The following MLLT3 variants were observed in gnomAD, a reference collection of about 807,000 sequenced individuals.
MLLT3 encodes the protein protein AF-9.
MLLT3 carries 4 observed loss-of-function variants against 53.2 expected under a neutral mutation model. That is an observed-to-expected ratio of 0.08 (90% confidence interval 0.04 to 0.17). The LOEUF is 0.17. MLLT3 is among the 10% of genes least tolerant of loss of function. MLLT3 has a pLI of 1.00. For synonymous variants in MLLT3, 283 were observed against 230.6 expected (o/e 1.23, Z -2.06); for missense variants, 569 against 684.0 (o/e 0.83, Z 1.87).
chr9:20,566,110 T>C (rs991453418), intron 2 of MLLT3, among the ~76,000 whole-genome samples: 5 of 146,324 alleles, frequency 3.4e-5, no homozygotes, highest in Non-Finnish European at 7.5e-5. Context: ...TGTACTTTCA[T>C]CACATGGAAT....
intron 2 of MLLT3, among the ~76,000 whole-genome samples, chr9:20,509,191 C>T (rs188013183): frequency 2.6e-4 from 39 of 152,320 alleles, no homozygotes; most frequent in Admixed American, 4.6e-4. Context: ...ATTCAGAGTC[C>T]AGACTGGGTA....
chr9:20,374,931 T>A (rs1466447113), intron 5 of MLLT3, among the ~76,000 whole-genome samples: 1 of 152,228 alleles, frequency 6.6e-6, no homozygotes, highest in Admixed American at 6.5e-5. Flanking sequence ...AATGAGGTCA[T>A]GAACGTAGGG....
intron 2 of MLLT3, among the ~76,000 whole-genome samples, chr9:20,546,655 C>T (rs1259766924): frequency 2.6e-5 from 4 of 152,150 alleles, no homozygotes; most frequent in African/African-American, 9.7e-5. Context: ...GGCAGATGCA[C>T]CTGAATGTGC....
At chr9:20,348,404 G>T (rs993138275) in intron 10 of MLLT3, among the ~76,000 whole-genome samples, 2 of 152,154 alleles carry the variant, frequency 1.3e-5, no homozygotes, top group Non-Finnish European at 2.9e-5. Context: ...TGCATCTTTT[G>T]CCTTCTTTCC....
At chr9:20,416,450 G>A (rs879396364) in intron 4 of MLLT3, among the ~76,000 whole-genome samples, 1 of 151,980 alleles carries the variant, frequency 6.6e-6, no homozygotes, top group Admixed American at 6.6e-5. Context: ...TAAAACTTCT[G>A]TATAGATCCT....
At chr9:20,483,605 G>C (rs1011823386) in intron 2 of MLLT3, among the ~76,000 whole-genome samples, 1 of 149,134 alleles carries the variant, frequency 6.7e-6, no homozygotes, top group Non-Finnish European at 1.5e-5. Flanking sequence ...CCAGCAAACT[G>C]TTAATACCAT....
At chr9:20,580,520 C>G (rs1249913576) in intron 2 of MLLT3, among the ~76,000 whole-genome samples, 1 of 152,108 alleles carries the variant, frequency 6.6e-6, no homozygotes, top group Non-Finnish European at 1.5e-5. Flanking sequence ...CTCTCTTGGA[C>G]AGTTTTTTTA....
chr9:20,618,210 G>A (rs1352149812), intron 2 of MLLT3, among the ~76,000 whole-genome samples: 1 of 152,102 alleles, frequency 6.6e-6, no homozygotes, highest in East Asian at 1.9e-4. Context: ...CCAATTGGTA[G>A]AATTTTACTC....
intron 2 of MLLT3, among the ~76,000 whole-genome samples, chr9:20,534,937 G>GA (rs1005490401): frequency 2.0e-4 from 31 of 152,040 alleles, no homozygotes; most frequent in African/African-American, 7.5e-4. Flanking sequence ...AAATTATAAA[G>GA]AAAAAATAGA....
At chr9:20,459,535 G>C (rs1369549443) in intron 2 of MLLT3, among the ~76,000 whole-genome samples, 1 of 152,184 alleles carries the variant, frequency 6.6e-6, no homozygotes, top group Non-Finnish European at 1.5e-5. Context: ...GGTTGCTTGG[G>C]ATTAATCATG....
At chr9:20,481,624 T>A (rs1369512290) in intron 2 of MLLT3, among the ~76,000 whole-genome samples, 1 of 152,042 alleles carries the variant, frequency 6.6e-6, no homozygotes, top group Non-Finnish European at 1.5e-5. Context: ...CCCACCCACT[T>A]CCACCCCCAT....
chr9:20,576,429 C>T (rs1819654740), intron 2 of MLLT3, among the ~76,000 whole-genome samples: 1 of 152,144 alleles, frequency 6.6e-6, no homozygotes, highest in Non-Finnish European at 1.5e-5. Context: ...AGGTTTTGGC[C>T]ATCTTGGCTT....
At chr9:20,443,159 A>G (rs1823596117) in intron 4 of MLLT3, among the ~76,000 whole-genome samples, 1 of 152,118 alleles carries the variant, frequency 6.6e-6, no homozygotes, top group Non-Finnish European at 1.5e-5. Flanking sequence ...GAAAGGCAGC[A>G]GGAACAAACA....
At chr9:20,472,519 C>G (rs993891716) in intron 2 of MLLT3, among the ~76,000 whole-genome samples, 2 of 152,004 alleles carry the variant, frequency 1.3e-5, no homozygotes, top group African/African-American at 2.4e-5. Flanking sequence ...ACTGCCCACC[C>G]CTACCACTGG....
chr9:20,412,120 G>C (rs1185353507), intron 5 of MLLT3, among the ~76,000 whole-genome samples: 1 of 152,036 alleles, frequency 6.6e-6, no homozygotes, highest in Admixed American at 6.6e-5. Context: ...CAATGTGTTA[G>C]AATATAAAAT....
rs1284831962 is a variant in MLLT3 at position 20,544,895 on chromosome 9, G to A, written c.193+75759C>T. On this transcript the variant is annotated intron_variant, in intron 2 of 10. Transcript: ENST00000380338. ...AGGCCAGGAGTTTGAGACCAATCTAGGCAACAAAGTAAGAACCTGTCTTTA... is the reference window on the plus strand; with the variant it reads ...AGGCCAGGAGTTTGAGACCAATCTAAGCAACAAAGTAAGAACCTGTCTTTA... Among the ~76,000 whole-genome samples the A allele has an allele frequency of 2.0e-5, 3 of 152,056 alleles. No individual in the cohort carries two copies. In the East Asian group the frequency reaches 5.8e-4, roughly 29 times the overall value.
chr9:20,404,460 T>C (rs115309029), intron 5 of MLLT3, among the ~76,000 whole-genome samples: 3,129 of 152,302 alleles, frequency 0.021, 111 homozygotes, highest in African/African-American at 0.07. Context: ...TTACTAATTA[T>C]TAAATCCACA....
chr9:20,344,793 G>A lies in MLLT3; in HGVS notation c.*1650C>T, dbSNP rs1284106191. On this transcript the variant is annotated 3_prime_UTR_variant, in exon 11 of 11. Transcript: ENST00000380338. ...TATAACTGCCCAAAAGAATGGGTCTGGAAAGACCATTTTCTGTACAGACAC... is the reference window on the plus strand; with the variant it reads ...TATAACTGCCCAAAAGAATGGGTCTAGAAAGACCATTTTCTGTACAGACAC... The A allele has an allele frequency of 4.8e-6, 1 of 208,634 alleles. No individual in the cohort carries two copies. The highest frequency in any genetic ancestry group is 7.3e-5 in the East Asian group (1 of 13,790). The allele number at this position is 208,634 out of a possible 1,614,324, so 12.9% of individuals were successfully genotyped here. A position where few individuals can be genotyped will look rare whatever the true frequency, so the allele number is the denominator to read the frequency against.
intron 3 of MLLT3, 144 bp downstream of exon 3, chr9:20,456,560 T>C (rs140836271): frequency 1.7e-4 from 103 of 623,358 alleles, no homozygotes; most frequent in African/African-American, 1.2e-3. Context: ...AGGGTAATGA[T>C]AGCCAAAATT....
Sources: gnomAD v4.1 joint callset for allele counts (sites outside exome capture counted in the v4.1 genomes callset) on GRCh38, gnomAD v4.1.1 for gene constraint, MANE v1.5 for transcripts, NCBI Gene and HGNC (gene_info 2026-07-23, HGNC 2026-07-21) for gene names.